RPH3A: variants seen among roughly 807,000 people sequenced by gnomAD.
RPH3A encodes the protein rabphilin 3A, also known as rabphilin-3A.
A neutral mutation model predicts 102.2 loss-of-function variants in RPH3A; 48 were observed. The ratio of observed to expected loss-of-function variants is 0.47; its 90% CI spans 0.37 to 0.60. The LOEUF is 0.60. Among genes scored for constraint, RPH3A ranks in the 20% least tolerant of loss-of-function variants. The probability of loss-of-function intolerance (pLI) is 0.00; values close to 1 mark genes in which losing one functional copy is unlikely to be tolerated. For missense variants in RPH3A, 781 were observed against 910.1 expected, an observed-to-expected ratio of 0.86 and a Z score of 1.83; for synonymous variants, 310 against 324.3, an observed-to-expected ratio of 0.96 and a Z score of 0.47.
chr12:112,855,826 G>T (rs1472121936), intron 5 of RPH3A, among the ~76,000 whole-genome samples: 1 of 152,158 alleles, frequency 6.6e-6, no homozygotes, highest in African/African-American at 2.4e-5. Flanking sequence ...TTGGCAATTA[G>T]GGTGAGGTGA....
intron 1 of RPH3A, among the ~76,000 whole-genome samples, chr12:112,611,476 T>C (rs1328087639): frequency 1.3e-5 from 2 of 150,660 alleles, no homozygotes; most frequent in Non-Finnish European, 3.0e-5. Flanking sequence ...TCTTGGATTG[T>C]TTTTTTTTCG....
At chr12:112,700,202 T>G (rs2040383518) in intron 1 of RPH3A, among the ~76,000 whole-genome samples, 1 of 152,128 alleles carries the variant, frequency 6.6e-6, no homozygotes, top group South Asian at 2.1e-4. Flanking sequence ...CCCAAGTAGC[T>G]GGGATTACAG....
intron 1 of RPH3A, among the ~76,000 whole-genome samples, chr12:112,736,530 G>A (rs1028686289): frequency 2.0e-5 from 3 of 152,172 alleles, no homozygotes; most frequent in Admixed American, 6.5e-5. Flanking sequence ...AATGAGACAC[G>A]GAGTGTGAGC....
intron 1 of RPH3A, among the ~76,000 whole-genome samples, chr12:112,639,568 G>A (rs1408297606): frequency 6.6e-6 from 1 of 152,158 alleles, no homozygotes; most frequent in Admixed American, 6.5e-5. Flanking sequence ...CAGGTGATGG[G>A]ATGATCTGTG....
At chr12:112,635,943 G>A (rs1311033359) in intron 1 of RPH3A, among the ~76,000 whole-genome samples, 1 of 152,120 alleles carries the variant, frequency 6.6e-6, no homozygotes, top group South Asian at 2.1e-4. Flanking sequence ...AGAAGAATGA[G>A]CTCTGCCATC....
At chr12:112,895,570 A>G (rs757006621) in intron 20 of RPH3A, 13 of 486,304 alleles carry the variant, frequency 2.7e-5, no homozygotes, top group Non-Finnish European at 4.5e-5. Flanking sequence ...TGAAAAGAGG[A>G]TGACAGTGCT....
chr12:112,876,934 A>G, intron 13 of RPH3A, 68 bp downstream of exon 13: 1 of 1,261,896 alleles, frequency 7.9e-7, no homozygotes, highest in Non-Finnish European at 1.1e-6. Flanking sequence ...GGAAAACAGG[A>G]ACGGCTCAGG....
At position 112,896,852 on chromosome 12, in the gene RPH3A, ATC is replaced by A; in HGVS notation, c.*78_*79del. The A allele has an allele frequency of 6.4e-7, 1 of 1,566,202 alleles. No homozygotes were observed. Among genetic ancestry groups the A allele is most frequent in the South Asian group, 1.1e-5 (1 of 87,576 alleles). On this transcript the variant is annotated 3_prime_UTR_variant, in exon 22 of 22. Transcript: ENST00000389385. ...TGCTCTAGCTGCCCACCGCACCCTGATCTCTCTTCTCTATGCCTACCTCCCCC... is the reference window on the plus strand; with the variant it reads ...TGCTCTAGCTGCCCACCGCACCCTGATCTCTTCTCTATGCCTACCTCCCCC...
intron 1 of RPH3A, among the ~76,000 whole-genome samples, chr12:112,593,094 G>T (rs1043927502): frequency 2.0e-5 from 3 of 152,124 alleles, no homozygotes; most frequent in African/African-American, 4.8e-5. Flanking sequence ...CCTGAGAGTG[G>T]TGCCCTTATG....
chr12:112,771,152 C>T (rs887279930), intron 1 of RPH3A, among the ~76,000 whole-genome samples: 16 of 152,158 alleles, frequency 1.1e-4, no homozygotes, highest in Non-Finnish European at 1.8e-4. Context: ...GTCCTGTTGC[C>T]TATTTAAGTG....
At chr12:112,640,650 A>G (rs1216893089) in intron 1 of RPH3A, among the ~76,000 whole-genome samples, 1 of 152,190 alleles carries the variant, frequency 6.6e-6, no homozygotes, top group Non-Finnish European at 1.5e-5. Flanking sequence ...CAACTGTCAG[A>G]AAAATCTGAG....
chr12:112,812,463 A>G (rs926598243), intron 2 of RPH3A, among the ~76,000 whole-genome samples: 2 of 152,266 alleles, frequency 1.3e-5, no homozygotes, highest in African/African-American at 4.8e-5. Flanking sequence ...TGAAGAAGGC[A>G]TTACAGGACA....
At chr12:112,662,061 A>G (rs1379434832) in intron 1 of RPH3A, among the ~76,000 whole-genome samples, 1 of 152,226 alleles carries the variant, frequency 6.6e-6, no homozygotes, top group East Asian at 1.9e-4. Flanking sequence ...AAGGGAGGAC[A>G]AAATGCTGAA....
chr12:112,726,110 G>A (rs1241420649), intron 1 of RPH3A, among the ~76,000 whole-genome samples: 1 of 149,382 alleles, frequency 6.7e-6, no homozygotes, highest in Non-Finnish European at 1.5e-5. Flanking sequence ...TTTCGGGGGG[G>A]TGGGGGGTGT....
chr12:112,598,013 C>G (rs2039530109), intron 1 of RPH3A, among the ~76,000 whole-genome samples: 1 of 152,108 alleles, frequency 6.6e-6, no homozygotes. Context: ...CTGGGTTCTC[C>G]TAGAAGCAGA....
At chr12:112,879,949 G>A (rs2042878427) in intron 14 of RPH3A, among the ~76,000 whole-genome samples, 1 of 152,212 alleles carries the variant, frequency 6.6e-6, no homozygotes, top group South Asian at 2.1e-4. Context: ...GGGGATAATA[G>A]TAGTGTATCT....
intron 10 of RPH3A, among the ~76,000 whole-genome samples, chr12:112,872,685 T>G (rs1406530674): frequency 1.3e-5 from 2 of 152,220 alleles, no homozygotes; most frequent in African/African-American, 2.4e-5. Context: ...GTTTTAGCCC[T>G]TATATTTGGG....
At chr12:112,637,431 G>A (rs1265857150) in intron 1 of RPH3A, among the ~76,000 whole-genome samples, 3 of 152,044 alleles carry the variant, frequency 2.0e-5, no homozygotes, top group Non-Finnish European at 4.4e-5. Flanking sequence ...ACATGAATAG[G>A]TATTTTGTGA....
intron 2 of RPH3A, among the ~76,000 whole-genome samples, chr12:112,800,161 C>T (rs1001178983): frequency 2.0e-5 from 3 of 152,080 alleles, no homozygotes; most frequent in South Asian, 4.2e-4. Context: ...TAGGAAGACT[C>T]GATGGAGAAT....
Sources: gnomAD v4.1 joint callset for allele counts (sites outside exome capture counted in the v4.1 genomes callset) on GRCh38, gnomAD v4.1.1 for gene constraint, MANE v1.5 for transcripts, NCBI Gene and HGNC (gene_info 2026-07-23, HGNC 2026-07-21) for gene names.